PLXNA2: variants seen among roughly 807,000 people sequenced by gnomAD.
The protein encoded by PLXNA2 is plexin-A2.
PLXNA2 carries 91 observed loss-of-function variants against 193.5 expected under a neutral mutation model. That is an observed-to-expected ratio of 0.47 (90% CI 0.40 to 0.56). The LOEUF (loss-of-function observed/expected upper bound fraction) is 0.56. PLXNA2 is among the 20% of genes least tolerant of loss of function. The pLI is 0.00. For synonymous variants in PLXNA2, 997 were observed against 1,027.3 expected, an observed-to-expected ratio of 0.97 and a Z score of 0.56; for missense variants, 1,995 against 2,503.2, an observed-to-expected ratio of 0.80 and a Z score of 4.33.
At chr1:208,147,992 C>A (rs1668650005) in intron 3 of PLXNA2, among the ~76,000 whole-genome samples, 1 of 152,178 alleles carries the variant, frequency 6.6e-6, no homozygotes, top group Non-Finnish European at 1.5e-5. Flanking sequence ...TAAAATCCAG[C>A]AGAGATTTAG....
At chr1:208,188,791 A>C (rs1670085310) in intron 3 of PLXNA2, among the ~76,000 whole-genome samples, 1 of 152,158 alleles carries the variant, frequency 6.6e-6, no homozygotes, top group South Asian at 2.1e-4. Context: ...GAGAGGAGAA[A>C]TGTGAGAGTA....
intron 11 of PLXNA2, among the ~76,000 whole-genome samples, chr1:208,079,773 C>T (rs1558181301): frequency 6.9e-6 from 1 of 145,856 alleles, no homozygotes. Flanking sequence ...TAATCTCTAA[C>T]ATGAAGATAA....
chr1:208,092,350 T>A (rs1224884519), intron 9 of PLXNA2, among the ~76,000 whole-genome samples: 1 of 152,210 alleles, frequency 6.6e-6, no homozygotes, highest in Non-Finnish European at 1.5e-5. Context: ...TCATTGAATT[T>A]TAGAGTTGGA....
intron 12 of PLXNA2, among the ~76,000 whole-genome samples, chr1:208,078,095 A>G (rs996891429): frequency 6.6e-6 from 1 of 152,204 alleles, no homozygotes; most frequent in Non-Finnish European, 1.5e-5. Flanking sequence ...TGGCTCTGCC[A>G]CTTATCAGCG....
intron 3 of PLXNA2, among the ~76,000 whole-genome samples, chr1:208,158,080 G>A (rs1322876856): frequency 6.6e-6 from 1 of 152,184 alleles, no homozygotes; most frequent in Non-Finnish European, 1.5e-5. Context: ...GGGAAAGAAG[G>A]AAGGTAGGAA....
At chr1:208,220,428 T>C (rs1001511799) in intron 1 of PLXNA2, among the ~76,000 whole-genome samples, 4 of 151,822 alleles carry the variant, frequency 2.6e-5, no homozygotes, top group Non-Finnish European at 5.9e-5. Flanking sequence ...CTTATGTTAG[T>C]TTTTGTTATT....
At chr1:208,042,496 C>A in intron 21 of PLXNA2, 130 bp from the exon 22 acceptor site, 1 of 879,484 alleles carries the variant, frequency 1.1e-6, no homozygotes, top group Non-Finnish European at 1.7e-6. Context: ...CTATAACCAA[C>A]CCCACCCCAT....
At position 208,092,769 on chromosome 1, in the gene PLXNA2, G is replaced by A; in HGVS notation, c.2097+17C>T. The stretch of plus-strand genomic sequence containing the variant: ...ACTCACTGGGAACACTGCCATGTTA[G>A]GGTAAGCCCTTCTTACCTCTGAAAT... On this transcript the variant is annotated intron_variant, in intron 9 of 31. Coordinates refer to ENST00000367033, the MANE Select transcript of PLXNA2 (RefSeq NM_025179.4). 1 of 1,547,478 alleles carries A rather than the reference G, an allele frequency of 6.5e-7. No individual in the cohort carries two copies. The highest frequency in any genetic ancestry group is 2.2e-5 in the East Asian group (1 of 44,500).
intron 15 of PLXNA2, 49 bp downstream of exon 15, chr1:208,052,278 A>C (rs1414274518): frequency 6.3e-7 from 1 of 1,592,876 alleles, no homozygotes; most frequent in East Asian, 2.2e-5. Context: ...TGTGAACAGC[A>C]CATGTCCCAG....
At chr1:208,193,768 C>T (rs1355979928) in intron 3 of PLXNA2, among the ~76,000 whole-genome samples, 1 of 152,044 alleles carries the variant, frequency 6.6e-6, no homozygotes, top group African/African-American at 2.4e-5. Flanking sequence ...TCGCTCACAC[C>T]TGTAATCCCA....
chr1:208,222,163 A>G (rs1202691603), intron 1 of PLXNA2, among the ~76,000 whole-genome samples: 3 of 152,236 alleles, frequency 2.0e-5, no homozygotes, highest in Non-Finnish European at 4.4e-5. Flanking sequence ...GTAAACAAAC[A>G]TGCATTTGAC....
At position 208,038,445 on chromosome 1, in the gene PLXNA2, C is replaced by T. The variant is rs780741492; in HGVS notation, c.4690G>A (p.Val1564Met). 36 of 1,613,990 alleles carry T rather than the reference C, an allele frequency of 2.2e-5. No homozygotes were observed. Among genetic ancestry groups the T allele is most frequent in the Non-Finnish European group, 2.8e-5 (33 of 1,180,000 alleles). Residue 1564 changes from valine to methionine, a missense_variant, in exon 26 of 32, where the codon GTG becomes ATG. By Grantham distance (21) the Val-to-Met change is conservative. Around this residue, in one of 3 missense-constraint regions of PLXNA2, gnomAD observed 1,291 missense variants for 1,673.6 expected, o/e 0.77. Transcript: ENST00000367033. This position sits in a 1 kb window ranked among gnomAD's most constrained non-coding sequence, Gnocchi z 4.1. ...GTGGTGATGTCCTCATCTTGCAGCA[C>T]GACCCGGGCGATCCGGCCTTGGCGC... ...EWRQGRIARV[V>M]LQDEDITTKI...
At chr1:208,152,755 T>C (rs1182256831) in intron 3 of PLXNA2, among the ~76,000 whole-genome samples, 2 of 150,750 alleles carry the variant, frequency 1.3e-5, no homozygotes, top group African/African-American at 2.4e-5. Context: ...TTAGAAGAGT[T>C]CATACTCCTC....
chr1:208,081,224 T>TAA (rs1366443390), intron 11 of PLXNA2, among the ~76,000 whole-genome samples: 1 of 151,966 alleles, frequency 6.6e-6, no homozygotes, highest in Admixed American at 6.5e-5. Flanking sequence ...TGAGGAGAAA[T>TAA]AGAAAAAAAT....
Position 208,243,743 on chromosome 1 carries a change from C to G in PLXNA2, c.-181G>C, listed in dbSNP as rs1332094127. 1 of 152,400 alleles carries G rather than the reference C, an allele frequency of 6.6e-6. No homozygotes were observed. The highest frequency in any genetic ancestry group is 1.9e-4 in the East Asian group (1 of 5,176). The allele number at this position is 152,400 out of a possible 1,614,324, so 9.4% of individuals were successfully genotyped here. ...GCGAGGCCCCTCTCCCTGCCCGCAG[C>G]TCGGAATCAGGGAGACGACCAAATC... On this transcript the variant is annotated 5_prime_UTR_variant, in exon 1 of 32. Transcript: ENST00000367033.
intron 4 of PLXNA2, among the ~76,000 whole-genome samples, chr1:208,139,013 C>T (rs765273178): frequency 2.0e-5 from 3 of 152,062 alleles, no homozygotes; most frequent in Non-Finnish European, 4.4e-5. Context: ...GGTGACAGGG[C>T]AATAGTGAGA....
Position 208,043,063 on chromosome 1 carries a change from C to T in PLXNA2, c.4015G>A (p.Glu1339Lys), listed in dbSNP as rs1472817684. 1 of 1,613,264 alleles carries T rather than the reference C, an allele frequency of 6.2e-7. No individual in the cohort carries two copies. Among genetic ancestry groups the T allele is most frequent in the Non-Finnish European group, 8.5e-7 (1 of 1,179,966 alleles). The change falls in exon 21 of 32, where the codon GAG becomes AAG. Residue 1339 changes from glutamate to lysine, a missense_variant and splice_region_variant. Physicochemically the swap from Glu to Lys is moderately conservative, Grantham distance 56. Around this residue, in one of 3 missense-constraint regions of PLXNA2, gnomAD observed 1,291 missense variants for 1,673.6 expected, o/e 0.77. Transcript: ENST00000367033. Reference protein sequence around the residue: ...IEDHPVLRELEVQGNGQQHVE... With the variant: ...IEDHPVLRELKVQGNGQQHVE... Reference sequence around the variant, plus strand: ...TGGGCCCAGGAGGCAGGCATTACCTCCAGCTCCCGCAGGACGGGGTGGTCC... The same window carrying T: ...TGGGCCCAGGAGGCAGGCATTACCTTCAGCTCCCGCAGGACGGGGTGGTCC...
chr1:208,066,966 G>T (rs1265287619), intron 12 of PLXNA2, among the ~76,000 whole-genome samples: 1 of 152,162 alleles, frequency 6.6e-6, no homozygotes, highest in Non-Finnish European at 1.5e-5. Context: ...AAATATTTTT[G>T]TACAGCTGTA....
Position 208,201,532 on chromosome 1 carries a change from C to G in PLXNA2, c.1371+8748G>C, listed in dbSNP as rs572424112. On this transcript the variant is annotated intron_variant, in intron 3 of 31. Transcript: ENST00000367033. ...AGGGGACAGGATTCTCTTCCTCCGT[C>G]TGACCTTGCAAACATGTCACTGAAA... is the stretch of plus-strand genomic sequence containing the variant. Among the ~76,000 whole-genome samples the G allele has an allele frequency of 4.0e-4, 61 of 152,254 alleles. 1 individual carries two copies. The highest frequency in any genetic ancestry group is 1.3e-3 in the African/African-American group (56 of 41,524).
Sources: allele counts gnomAD v4.1 joint callset (sites outside exome capture counted in the v4.1 genomes callset), GRCh38; gene constraint gnomAD v4.1.1; regional missense constraint gnomAD v4.1.1; non-coding constraint Gnocchi (gnomAD v3.1); transcripts MANE v1.5; gene names NCBI Gene and HGNC (gene_info 2026-07-23, HGNC 2026-07-21).